The following DCBLD1 variants were observed in gnomAD, a reference collection of about 807,000 sequenced individuals.
The protein encoded by DCBLD1 is discoidin, CUB and LCCL domain containing 1.
A neutral mutation model predicts 71.5 loss-of-function variants in DCBLD1; 57 were observed. The observed-to-expected ratio is 0.80, with a 90% CI of 0.64 to 0.99. The LOEUF (loss-of-function observed/expected upper bound fraction) is 0.99, where lower values mean the gene tolerates loss of function less well. Among genes scored for constraint, DCBLD1 ranks in the 50% least tolerant of loss-of-function variants. DCBLD1 has a pLI of 0.00. For synonymous variants in DCBLD1, 380 were observed against 363.8 expected (o/e 1.04, Z -0.51); for missense variants, 891 against 923.5 (o/e 0.96, Z 0.46).
intron 5 of DCBLD1, among the ~76,000 whole-genome samples, chr6:117,528,978 C>T (rs539526784): frequency 1.4e-3 from 210 of 152,200 alleles, no homozygotes; most frequent in African/African-American, 4.6e-3. Flanking sequence ...GTAGCTGGGA[C>T]TACAGACGCC....
In DCBLD1 at chr6:117,532,395, T is replaced by C; in HGVS notation, c.719+2T>C. The C allele has an allele frequency of 6.2e-7, 1 of 1,600,098 alleles. No homozygotes were observed. Among genetic ancestry groups the C allele is most frequent in the Non-Finnish European group, 8.5e-7 (1 of 1,175,626 alleles). ...GGCCAATGGTGTTCTTTCGAGGGAG[T>C]AAGTATTTTTTTTCAGTATCGTTTG... On this transcript the variant is annotated splice_donor_variant, in intron 6 of 14. Coordinates refer to ENST00000338728, the MANE Select transcript of DCBLD1 (RefSeq NM_001366458.2). LOFTEE classifies it high-confidence loss of function.
chr6:117,516,564 A>G (rs1778207215), intron 2 of DCBLD1, among the ~76,000 whole-genome samples: 1 of 152,112 alleles, frequency 6.6e-6, no homozygotes, highest in African/African-American at 2.4e-5. Flanking sequence ...AACAGAGAGA[A>G]ATTGGATCCT....
chr6:117,535,272 G>C (rs1173576862), intron 6 of DCBLD1, among the ~76,000 whole-genome samples: 1 of 152,210 alleles, frequency 6.6e-6, no homozygotes, highest in Non-Finnish European at 1.5e-5. Flanking sequence ...GTATCAGGAA[G>C]AGAGACTGAC....
downstream of DCBLD1, chr6:117,549,912 A>T (rs2114582647): frequency 2.1e-6 from 2 of 954,380 alleles, no homozygotes; most frequent in East Asian, 2.3e-4. Context: ...TTGGTGCCAG[A>T]TTAGGCCAGA....
chr6:117,533,962 G>A (rs1243555347), intron 6 of DCBLD1, among the ~76,000 whole-genome samples: 1 of 152,208 alleles, frequency 6.6e-6, no homozygotes, highest in Admixed American at 6.5e-5. Flanking sequence ...AGTACTGTAC[G>A]TAATCCACAA....
intron 2 of DCBLD1, among the ~76,000 whole-genome samples, chr6:117,517,761 TG>T (rs2114479750): frequency 6.6e-6 from 1 of 152,340 alleles, no homozygotes; most frequent in African/African-American, 2.4e-5. Flanking sequence ...AGTTCTACGT[TG>T]TCCCCTTCCA....
intron 2 of DCBLD1, among the ~76,000 whole-genome samples, chr6:117,518,209 A>G (rs1338466776): frequency 1.3e-5 from 2 of 152,224 alleles, no homozygotes; most frequent in Non-Finnish European, 2.9e-5. Context: ...TCTCTAAGGC[A>G]AGGGCAAAAT....
chr6:117,555,868 T>C (rs1020271273), intron 14 of DCBLD1, among the ~76,000 whole-genome samples: 1 of 152,212 alleles, frequency 6.6e-6, no homozygotes, highest in Non-Finnish European at 1.5e-5. Context: ...GACTGAAAGC[T>C]GACAATTTTA....
intron 1 of DCBLD1, among the ~76,000 whole-genome samples, chr6:117,497,551 A>G (rs1209707862): frequency 6.6e-6 from 1 of 152,238 alleles, no homozygotes; most frequent in Non-Finnish European, 1.5e-5. Flanking sequence ...TTAAAAGCTA[A>G]AAGGTAGAGA....
intron 5 of DCBLD1, among the ~76,000 whole-genome samples, chr6:117,526,934 G>A (rs976306681): frequency 8.5e-5 from 13 of 152,222 alleles, no homozygotes; most frequent in Non-Finnish European, 1.2e-4. Context: ...CAACAAAGGT[G>A]TCAGCTGGGG....
chr6:117,566,827 A>T, intron 14 of DCBLD1: 1 of 1,407,546 alleles, frequency 7.1e-7, no homozygotes, highest in South Asian at 1.5e-5. Context: ...TGAATATGTT[A>T]ATAATAATTT....
chr6:117,548,021 A>C lies in DCBLD1; in HGVS notation c.1730A>C (p.His577Pro), dbSNP rs1381395703. The C allele has an allele frequency of 6.5e-7, 1 of 1,550,180 alleles. No individual in the cohort carries two copies. The highest frequency in any genetic ancestry group is 2.4e-5 in the East Asian group (1 of 40,892). ...EAGVSTDAGG[H>P]YDCPQRAGRH... Reference sequence around the variant, plus strand: ...GGGGTGAGCACCGATGCCGGCGGCCACTATGACTGCCCGCAGCGGGCCGGC... The same window carrying C: ...GGGGTGAGCACCGATGCCGGCGGCCCCTATGACTGCCCGCAGCGGGCCGGC... The change falls in exon 15 of 15, where the codon CAC (histidine) becomes CCC (proline). Residue 577 changes from histidine (H) to proline (P), a missense_variant. His to Pro is a moderately conservative substitution (Grantham distance 77). Transcript: ENST00000338728.
rs201266094 is a variant in DCBLD1, at chr6:117,566,819, AAT to A, written c.1616-2798_1616-2797del. The A allele has an allele frequency of 8.8e-4, 1,171 of 1,332,324 alleles. 11 individuals carry two copies. In the African/African-American group the frequency reaches 0.016, roughly 19 times the overall value. 82.5% of individuals were successfully genotyped at this position (1,332,324 alleles called of 1,614,324 possible). A position where few individuals can be genotyped will look rare whatever the true frequency, so the allele number is the denominator to read the frequency against. ...ACATTTTAAACATTTAATAATAATG[AAT>A]ATGTTAATAATAATTTTTAGAGTGA... On this transcript the variant is annotated intron_variant, in intron 14 of 14. Transcript: ENST00000296955.
At chr6:117,523,155 C>T (rs1778438463) in intron 4 of DCBLD1, among the ~76,000 whole-genome samples, 1 of 152,190 alleles carries the variant, frequency 6.6e-6, no homozygotes, top group Non-Finnish European at 1.5e-5. Context: ...ATCAAATGGT[C>T]ATTTCCTGTT....
chr6:117,493,848 AG>A (rs1397829122), intron 1 of DCBLD1, among the ~76,000 whole-genome samples: 2 of 152,214 alleles, frequency 1.3e-5, no homozygotes, highest in Non-Finnish European at 2.9e-5. Flanking sequence ...TGTGTGGTGA[AG>A]AAAGGGTTTT....
At chr6:117,487,462 C>T (rs370476170) in intron 1 of DCBLD1, among the ~76,000 whole-genome samples, 27 of 151,932 alleles carry the variant, frequency 1.8e-4, no homozygotes, top group African/African-American at 4.4e-4. Flanking sequence ...CCATCTCTAG[C>T]GAAAATACAA....
At chr6:117,553,116 G>A (rs996851199), downstream of DCBLD1, among the ~76,000 whole-genome samples, 1 of 152,084 alleles carries the variant, frequency 6.6e-6, no homozygotes, top group African/African-American at 2.4e-5. Context: ...ACAAAAGCTC[G>A]GTTTCCAGTT....
rs189558590 is a variant in DCBLD1 at position 117,522,721 on chromosome 6, G to A, written c.512+1145G>A. Among the ~76,000 whole-genome samples the A allele has an allele frequency of 5.0e-3, 759 of 152,290 alleles. 6 individuals carry two copies. Among genetic ancestry groups the A allele is most frequent in the African/African-American group, 0.017 (693 of 41,560 alleles). ...TTACAAGTGTGAATCATGGCACCCA[G>A]CTATGACTCTCTAGAGTGCTTTCCT... On this transcript the variant is annotated intron_variant, in intron 4 of 14. Transcript: ENST00000338728.
At position 117,513,664 on chromosome 6, in the gene DCBLD1, C is replaced by T. The variant is rs530352539; in HGVS notation, c.326-6152C>T. Among the ~76,000 whole-genome samples, 20 of 152,270 alleles carry T rather than the reference C, an allele frequency of 1.3e-4. No homozygotes were observed. In the South Asian group the frequency reaches 3.5e-3, roughly 27 times the overall value. ...TGGCAAGTCCAAGTGCTATAAAACA[C>T]GTAGCACTGCTGGTTCTGAAGCAAA... On this transcript the variant is annotated intron_variant, in intron 2 of 14. Transcript: ENST00000338728.
Sources: allele counts gnomAD v4.1 joint callset (sites outside exome capture counted in the v4.1 genomes callset), GRCh38; gene constraint gnomAD v4.1.1; transcripts MANE v1.5; gene names NCBI Gene and HGNC (gene_info 2026-07-23, HGNC 2026-07-21).